The following SOX6 variants were observed in gnomAD, a reference collection of about 807,000 sequenced individuals.
The protein encoded by SOX6 is transcription factor SOX-6.
A neutral mutation model predicts 97.8 loss-of-function variants in SOX6; 11 were observed. That is an observed-to-expected ratio of 0.11 (90% CI 0.07 to 0.19). The LOEUF is 0.19. Ranked by LOEUF, SOX6 falls within the 10% of genes least tolerant of loss-of-function variation. The pLI is 1.00. For missense variants in SOX6, 810 were observed against 1,039.5 expected, an observed-to-expected ratio of 0.78 and a Z score of 3.04; for synonymous variants, 360 against 371.4, an observed-to-expected ratio of 0.97 and a Z score of 0.35.
chr11:16,039,989 C>T (rs375104661), intron 12 of SOX6, among the ~76,000 whole-genome samples: 1 of 151,918 alleles, frequency 6.6e-6, no homozygotes, highest in East Asian at 1.9e-4. Context: ...AAACTACCTG[C>T]CATAATGGGA....
chr11:16,097,017 T>G (rs1200386439), intron 8 of SOX6, among the ~76,000 whole-genome samples: 2 of 151,918 alleles, frequency 1.3e-5, no homozygotes, highest in African/African-American at 4.8e-5. Context: ...TGTAAATGAT[T>G]TTTCAATCAG....
Position 16,567,561 on chromosome 11 carries a change from C to CTTTT in SOX6, n.609+44516_609+44519dup, listed in dbSNP as rs59320140. 6.0e-3 allele frequency among the ~76,000 whole-genome samples: 523 copies of CTTTT among 87,378 alleles called. 9 individuals are homozygous for CTTTT. Among genetic ancestry groups the CTTTT allele is most frequent in the East Asian group, 0.01 (35 of 3,492 alleles). The allele number at this position is 87,378 out of a possible 152,430, so 57.3% of individuals were successfully genotyped here. A position where few individuals can be genotyped will look rare whatever the true frequency, so the allele number is the denominator to read the frequency against. ...TATTAATGGTATGTCATATTTTTTTCTTTTTTTTTTTTTTTTTTTTTTTTT... is the reference window on the plus strand; with the variant it reads ...TATTAATGGTATGTCATATTTTTTTCTTTTTTTTTTTTTTTTTTTTTTTTTTTTT... On this transcript the variant is annotated intron_variant and non_coding_transcript_variant, in intron 4 of 5. Transcript: ENST00000524520.
chr11:16,106,512 T>A (rs529674990), intron 7 of SOX6, among the ~76,000 whole-genome samples: 1 of 152,060 alleles, frequency 6.6e-6, no homozygotes, highest in African/African-American at 2.4e-5. Context: ...ACAAATGTTG[T>A]GGGGAAAACT....
intron 9 of SOX6, among the ~76,000 whole-genome samples, chr11:16,083,660 C>A (rs1168059368): frequency 1.3e-5 from 2 of 152,058 alleles, no homozygotes. Context: ...ACATCTAAAC[C>A]AGGCCACAGA....
chr11:16,737,606 C>T (rs571658776), intron 1 of SOX6, among the ~76,000 whole-genome samples: 2 of 152,136 alleles, frequency 1.3e-5, no homozygotes, highest in East Asian at 1.9e-4. Flanking sequence ...TAAGTTCAGA[C>T]CTGGTTACAA....
chr11:16,298,934 A>T (rs894680550), intron 3 of SOX6, among the ~76,000 whole-genome samples: 1 of 152,118 alleles, frequency 6.6e-6, no homozygotes, highest in African/African-American at 2.4e-5. Context: ...ATAGAGGATG[A>T]AGAGATACAA....
chr11:16,038,898 G>C (rs1237880846), intron 12 of SOX6, among the ~76,000 whole-genome samples: 1 of 152,046 alleles, frequency 6.6e-6, no homozygotes, highest in African/African-American at 2.4e-5. Context: ...AACTGAATAG[G>C]AATGTTATAG....
intron 9 of SOX6, among the ~76,000 whole-genome samples, chr11:16,090,731 A>T (rs1324560614): frequency 6.6e-6 from 1 of 152,104 alleles, no homozygotes; most frequent in African/African-American, 2.4e-5. Context: ...TGTGCTAGGC[A>T]ATGCTAAGGA....
intron 4 of SOX6, among the ~76,000 whole-genome samples, chr11:16,555,036 A>G (rs991085515): frequency 5.9e-5 from 9 of 152,040 alleles, no homozygotes; most frequent in African/African-American, 2.2e-4. Context: ...AAAGATGTAC[A>G]AGACTACTTC....
intron 7 of SOX6, among the ~76,000 whole-genome samples, chr11:16,102,639 C>T (rs992474699): frequency 4.6e-5 from 7 of 151,644 alleles, no homozygotes; most frequent in Non-Finnish European, 7.4e-5. Flanking sequence ...ACTATAAGGC[C>T]ATAGTCACCA....
rs180746586 is a variant in SOX6 at position 16,284,555 on chromosome 11, G to A, written c.445+33891C>T. ...ACTCCCCAACAGATATTTATTGATC[G>A]CCTTTTATGTTCTAGGCAATATGCT... On this transcript the variant is annotated intron_variant, in intron 3 of 15. Coordinates refer to ENST00000683767, the MANE Select transcript of SOX6 (RefSeq NM_001367873.1). Among the ~76,000 whole-genome samples the A allele has an allele frequency of 3.3e-5, 5 of 151,910 alleles. No homozygotes were observed. In the South Asian group the frequency reaches 6.3e-4, roughly 19 times the overall value.
At chr11:16,277,724 TTA>T (rs1854440979) in intron 3 of SOX6, among the ~76,000 whole-genome samples, 1 of 152,204 alleles carries the variant, frequency 6.6e-6, no homozygotes, top group African/African-American at 2.4e-5. Flanking sequence ...CCACATTCGT[TTA>T]TCTTTCTTTC....
intron 1 of SOX6, among the ~76,000 whole-genome samples, chr11:16,456,334 T>C (rs1859810778): frequency 6.6e-6 from 1 of 152,140 alleles, no homozygotes; most frequent in African/African-American, 2.4e-5. Flanking sequence ...CACTGTCAGC[T>C]CCTCGGTTTC....
chr11:16,425,475 G>A (rs1859107147), intron 1 of SOX6, among the ~76,000 whole-genome samples: 1 of 152,094 alleles, frequency 6.6e-6, no homozygotes, highest in African/African-American at 2.4e-5. Flanking sequence ...GGGCAATCAG[G>A]CAAGAAAAAG....
At chr11:16,194,601 C>T (rs1310341159) in intron 4 of SOX6, among the ~76,000 whole-genome samples, 1 of 152,100 alleles carries the variant, frequency 6.6e-6, no homozygotes, top group Non-Finnish European at 1.5e-5. Context: ...TCATTAGAAT[C>T]TACAGTGTAC....
chr11:16,668,392 A>C lies in SOX6; in HGVS notation n.429+46438T>G, dbSNP rs146954227. 4.4e-3 allele frequency among the ~76,000 whole-genome samples: 677 copies of C among 152,262 alleles called. 6 individuals carry two copies. The highest frequency in any genetic ancestry group is 0.016 in the African/African-American group (647 of 41,536). On this transcript the variant is annotated intron_variant and non_coding_transcript_variant, in intron 3 of 5. Transcript: ENST00000524520. ...CATCAAAAAAAATCAATCAATCAAT[A>C]AATAAACAGATACACAAAAAATAAA...
At chr11:16,723,219 G>A (rs191314155) in intron 2 of SOX6, among the ~76,000 whole-genome samples, 2 of 152,184 alleles carry the variant, frequency 1.3e-5, no homozygotes, top group African/African-American at 2.4e-5. Flanking sequence ...GCAAACTAAC[G>A]CAGCAACAGA....
At chr11:16,178,952 T>C (rs145299326) in intron 6 of SOX6, among the ~76,000 whole-genome samples, 2 of 151,978 alleles carry the variant, frequency 1.3e-5, no homozygotes, top group African/African-American at 2.4e-5. Context: ...AAATTAGAGG[T>C]CAATTAGATA....
chr11:16,179,340 T>A (rs75407711), intron 6 of SOX6, among the ~76,000 whole-genome samples: 3,887 of 151,784 alleles, frequency 0.026, 169 homozygotes, highest in African/African-American at 0.088. Flanking sequence ...ACATACAGAC[T>A]CACAAAATAT....
Sources: gnomAD v4.1 joint callset for allele counts (sites outside exome capture counted in the v4.1 genomes callset) on GRCh38, gnomAD v4.1.1 for gene constraint, MANE v1.5 for transcripts, NCBI Gene and HGNC (gene_info 2026-07-23, HGNC 2026-07-21) for gene names.